Variants in MYO5A observed in about 807,000 individuals in gnomAD.
MYO5A encodes myosin VA, also known as unconventional myosin-Va.
A neutral mutation model predicts 249.7 loss-of-function variants in MYO5A; 98 were observed. The ratio of observed to expected loss-of-function variants is 0.39; its 90% CI spans 0.33 to 0.46. The LOEUF (loss-of-function observed/expected upper bound fraction) is 0.46, where lower values mean the gene tolerates loss of function less well. MYO5A is among the 20% of genes least tolerant of loss of function. The pLI is 0.98. For missense variants in MYO5A, 1,696 were observed against 2,308.8 expected, an observed-to-expected ratio of 0.73 and a Z score of 5.44; for synonymous variants, 778 against 810.6, an observed-to-expected ratio of 0.96 and a Z score of 0.68.
At chr15:52,491,276 A>T (rs1290676954) in intron 1 of MYO5A, among the ~76,000 whole-genome samples, 2 of 152,304 alleles carry the variant, frequency 1.3e-5, no homozygotes, top group Non-Finnish European at 1.5e-5. Context: ...ATTAAGAGGG[A>T]CTTAAGTAAC....
At chr15:52,423,562 A>G (rs67633224) in intron 4 of MYO5A, among the ~76,000 whole-genome samples, 1 of 149,182 alleles carries the variant, frequency 6.7e-6, no homozygotes, top group Non-Finnish European at 1.5e-5. Flanking sequence ...AAAAAAAAAA[A>G]AAAAGAAAAC....
chr15:52,310,715 G>A lies in MYO5A; in HGVS notation c.*2981C>T, dbSNP rs990634477. Reference sequence around the variant, plus strand: ...AGGGAAGGGGAAGAGTGAATGAGTAGGGGAAAGGCTGGCAGGGTGTGTCTG... The same window carrying A: ...AGGGAAGGGGAAGAGTGAATGAGTAAGGGAAAGGCTGGCAGGGTGTGTCTG... On this transcript the variant is annotated 3_prime_UTR_variant, in exon 42 of 42. Transcript: ENST00000399233. 2.0e-5 allele frequency: 3 copies of A among 152,396 alleles called. No individual in the cohort carries two copies. The highest frequency in any genetic ancestry group is 4.8e-5 in the African/African-American group (2 of 41,446). The allele number at this position is 152,396 out of a possible 1,614,324, so 9.4% of individuals were successfully genotyped here. A position where few individuals can be genotyped will look rare whatever the true frequency, so the allele number is the denominator to read the frequency against.
At chr15:52,409,764 G>A (rs568840365) in intron 6 of MYO5A, among the ~76,000 whole-genome samples, 1 of 152,150 alleles carries the variant, frequency 6.6e-6, no homozygotes, top group Non-Finnish European at 1.5e-5. Context: ...GAAATATATA[G>A]TATCTCCCAT....
rs143069028 is a variant in MYO5A at position 52,456,522 on chromosome 15, A to G, written c.28-23237T>C. On this transcript the variant is annotated intron_variant, in intron 1 of 41. Coordinates refer to ENST00000399233, the MANE Select transcript of MYO5A (RefSeq NM_001382347.1). ...CACATAGACATAGCAATCCTGAGCA[A>G]AAAAAAACAAAGCTGGAGGCATGAC... Among the ~76,000 whole-genome samples the G allele has an allele frequency of 2.7e-3, 415 of 152,200 alleles. 5 individuals are homozygous for G. Among genetic ancestry groups the G allele is most frequent in the African/African-American group, 9.6e-3 (397 of 41,542 alleles).
chr15:52,458,318 G>A (rs867772228), intron 1 of MYO5A, among the ~76,000 whole-genome samples: 3 of 152,188 alleles, frequency 2.0e-5, no homozygotes, highest in Non-Finnish European at 4.4e-5. Flanking sequence ...GCTCATGCCT[G>A]TAATCCCAGC....
chr15:52,386,096 C>A (rs1390519644), intron 14 of MYO5A, among the ~76,000 whole-genome samples: 2 of 152,090 alleles, frequency 1.3e-5, no homozygotes, highest in Non-Finnish European at 2.9e-5. Flanking sequence ...GTGGGTGGAT[C>A]CCTTGAGACC....
chr15:52,414,865 T>TA (rs1158583579), intron 5 of MYO5A, among the ~76,000 whole-genome samples: 1 of 152,214 alleles, frequency 6.6e-6, no homozygotes, highest in African/African-American at 2.4e-5. Flanking sequence ...AACATTTGCT[T>TA]AAAATTTTCA....
In MYO5A at chr15:52,309,932, T is replaced by C. The variant is rs1321409884; in HGVS notation, c.*3764A>G. Reference sequence around the variant, plus strand: ...GGATGGTGGCAGGTGCCCATTTTCCTAGGGTTACCATGAAAGTTATTTCTC... The same window carrying C: ...GGATGGTGGCAGGTGCCCATTTTCCCAGGGTTACCATGAAAGTTATTTCTC... On this transcript the variant is annotated 3_prime_UTR_variant, in exon 42 of 42. Transcript: ENST00000399233. The C allele has an allele frequency of 6.6e-6, 1 of 152,096 alleles. No homozygotes were observed. Among genetic ancestry groups the C allele is most frequent in the Non-Finnish European group, 1.5e-5 (1 of 67,992 alleles). The allele number at this position is 152,096 out of a possible 1,614,324, so 9.4% of individuals were successfully genotyped here.
chr15:52,513,612 G>C (rs574379416), intron 1 of MYO5A, among the ~76,000 whole-genome samples: 12 of 150,860 alleles, frequency 8.0e-5, no homozygotes, highest in African/African-American at 2.9e-4. Context: ...TTAATTTTTA[G>C]TAGAGACAGG....
At chr15:52,378,781 T>C (rs2041578973) in intron 18 of MYO5A, among the ~76,000 whole-genome samples, 1 of 152,082 alleles carries the variant, frequency 6.6e-6, no homozygotes, top group African/African-American at 2.4e-5. Flanking sequence ...CCAAGATCAG[T>C]AGTTCTCAAA....
intron 1 of MYO5A, among the ~76,000 whole-genome samples, chr15:52,494,720 T>C (rs2077003330): frequency 1.3e-5 from 2 of 152,170 alleles, no homozygotes; most frequent in Admixed American, 1.3e-4. Flanking sequence ...CTCGAACTCC[T>C]GACCTCAGGT....
chr15:52,355,411 G>GT (rs1297671709), intron 25 of MYO5A, among the ~76,000 whole-genome samples: 1 of 152,208 alleles, frequency 6.6e-6, no homozygotes, highest in African/African-American at 2.4e-5. Context: ...AGTGAAGAGA[G>GT]TTTAGCCCTC....
chr15:52,318,883 G>A (rs2038161854), intron 39 of MYO5A, among the ~76,000 whole-genome samples, 177 bp downstream of exon 39: 1 of 152,206 alleles, frequency 6.6e-6, no homozygotes, highest in Admixed American at 6.5e-5. Flanking sequence ...AATGAGATGT[G>A]GTGAAATCCA....
At chr15:52,385,311 T>C (rs2041928629) in intron 14 of MYO5A, among the ~76,000 whole-genome samples, 1 of 152,210 alleles carries the variant, frequency 6.6e-6, no homozygotes, top group Non-Finnish European at 1.5e-5. Flanking sequence ...GATGCTATCA[T>C]GATTCTATTT....
intron 2 of MYO5A, 132 bp downstream of exon 2, chr15:52,433,043 C>A (rs560152471): frequency 2.8e-5 from 20 of 711,972 alleles, no homozygotes; most frequent in Admixed American, 6.5e-5. Flanking sequence ...GCCATTTTTA[C>A]CAATTTAGTA....
intron 1 of MYO5A, chr15:52,505,562 A>G: frequency 6.4e-7 from 1 of 1,569,222 alleles, no homozygotes. Flanking sequence ...CGTCTTGCAC[A>G]ATATGAATCA....
intron 1 of MYO5A, among the ~76,000 whole-genome samples, chr15:52,513,239 T>C (rs936482427): frequency 6.6e-6 from 1 of 151,744 alleles, no homozygotes; most frequent in African/African-American, 2.4e-5. Context: ...AACACCAGCC[T>C]GGCCAATATG....
chr15:52,467,722 A>G (rs951014253), intron 1 of MYO5A, among the ~76,000 whole-genome samples: 1 of 152,200 alleles, frequency 6.6e-6, no homozygotes, highest in Non-Finnish European at 1.5e-5. Flanking sequence ...GCATATTATC[A>G]TCAGACTGTC....
intron 24 of MYO5A, among the ~76,000 whole-genome samples, chr15:52,361,635 T>G (rs2040532431): frequency 6.6e-6 from 1 of 152,190 alleles, no homozygotes; most frequent in Non-Finnish European, 1.5e-5. Flanking sequence ...AATAAGAGTG[T>G]GGAAGTAAAG....
Sources: allele counts gnomAD v4.1 joint callset (sites outside exome capture counted in the v4.1 genomes callset), GRCh38; gene constraint gnomAD v4.1.1; transcripts MANE v1.5; gene names NCBI Gene and HGNC (gene_info 2026-07-23, HGNC 2026-07-21).